GSR: variants seen among roughly 807,000 people sequenced by gnomAD.
GSR encodes the protein glutathione-disulfide reductase.
In GSR, 48 loss-of-function variants were observed where a neutral mutation model predicts 56.5. That is an observed-to-expected ratio of 0.85 (90% confidence interval 0.67 to 1.08). The LOEUF is 1.08. Among genes scored for constraint, GSR ranks in the 50% least tolerant of loss-of-function variants. The pLI, the probability that GSR is intolerant of heterozygous loss-of-function variation, is 0.00. For missense variants in GSR, 694 were observed against 703.3 expected (o/e 0.99, Z 0.15); for synonymous variants, 264 against 270.8 (o/e 0.97, Z 0.25).
chr8:30,685,839 T>C (rs1803142290), intron 9 of GSR, among the ~76,000 whole-genome samples: 1 of 151,906 alleles, frequency 6.6e-6, no homozygotes, highest in South Asian at 2.1e-4. Context: ...TCGCCAGGCA[T>C]GGTGGTGCAT....
At chr8:30,709,950 C>T in intron 2 of GSR, 48 bp from the exon 3 acceptor site, 1 of 1,012,912 alleles carries the variant, frequency 9.9e-7, no homozygotes, top group Non-Finnish European at 1.5e-6. Context: ...GTAAATCAGT[C>T]CTGAGGGAAA....
At chr8:30,690,714 AG>A (rs1348588848) in intron 8 of GSR, among the ~76,000 whole-genome samples, 1 of 152,212 alleles carries the variant, frequency 6.6e-6, no homozygotes, top group African/African-American at 2.4e-5. Flanking sequence ...TGATTGCTTG[AG>A]GAATAAAGCA....
At chr8:30,715,973 T>C (rs547862446) in intron 1 of GSR, among the ~76,000 whole-genome samples, 4 of 152,346 alleles carry the variant, frequency 2.6e-5, no homozygotes, top group African/African-American at 7.2e-5. Flanking sequence ...AAGGTGGGCT[T>C]TCACTGGTGC....
At chr8:30,726,487 A>AG (rs1804727598) in intron 1 of GSR, among the ~76,000 whole-genome samples, 1 of 152,120 alleles carries the variant, frequency 6.6e-6, no homozygotes, top group South Asian at 2.1e-4. Context: ...GAATGAGTGC[A>AG]GTGGCTCAGG....
chr8:30,682,401 G>A (rs1352698272), intron 10 of GSR, among the ~76,000 whole-genome samples: 1 of 152,142 alleles, frequency 6.6e-6, no homozygotes, highest in Non-Finnish European at 1.5e-5. Flanking sequence ...AGTCAAAAAC[G>A]CAGACAAAAG....
chr8:30,727,448 G>A, intron 1 of GSR, 82 bp downstream of exon 1: 13 of 1,281,898 alleles, frequency 1.0e-5, no homozygotes, highest in African/African-American at 1.5e-5. Context: ...GGACAGGATC[G>A]CCATAGGAAC....
In GSR at chr8:30,722,814, T is replaced by A. The variant is rs16877293; in HGVS notation, c.306+4716A>T. Among the ~76,000 whole-genome samples, 1,461 of 151,178 alleles carry A rather than the reference T, an allele frequency of 9.7e-3. 26 individuals carry two copies. The highest frequency in any genetic ancestry group is 0.034 in the African/African-American group (1,385 of 41,018). Reference sequence around the variant, plus strand: ...CATCATAATATCAAAGTACACAGTATCACTTCCAAATGAGGTTATGATTTA... The same window carrying A: ...CATCATAATATCAAAGTACACAGTAACACTTCCAAATGAGGTTATGATTTA... On this transcript the variant is annotated intron_variant, in intron 1 of 12. Transcript: ENST00000221130.
chr8:30,683,974 A>G, intron 10 of GSR, 114 bp downstream of exon 10: 1 of 772,048 alleles, frequency 1.3e-6, no homozygotes, highest in South Asian at 1.4e-5. Flanking sequence ...TTGACAATAT[A>G]AAGACACTCA....
intron 1 of GSR, 135 bp downstream of exon 1, chr8:30,727,395 T>TG (rs1443957573): frequency 1.2e-6 from 1 of 854,176 alleles, no homozygotes; most frequent in African/African-American, 1.8e-5. Context: ...GGCTTCGGAA[T>TG]GGGGAGTTGC....
intron 7 of GSR, among the ~76,000 whole-genome samples, chr8:30,693,827 CCA>C (rs1315086143): frequency 4.6e-5 from 7 of 152,166 alleles, no homozygotes; most frequent in Non-Finnish European, 1.0e-4. Context: ...CCATGCCCAC[CCA>C]CAGAGTAGCT....
intron 12 of GSR, 38 bp from the exon 13 acceptor site, chr8:30,679,707 T>A: frequency 1.5e-3 from 76 of 51,980 alleles, no homozygotes; most frequent in East Asian, 3.8e-3. Flanking sequence ...TTCTTTCTTC[T>A]TTTTTTTTTT....
intron 7 of GSR, among the ~76,000 whole-genome samples, chr8:30,695,597 C>T (rs973241459): frequency 6.6e-6 from 1 of 152,064 alleles, no homozygotes; most frequent in Non-Finnish European, 1.5e-5. Context: ...TATGTGTAGT[C>T]CAAGACAATT....
chr8:30,727,727 T>C lies in GSR; in HGVS notation c.109A>G (p.Thr37Ala). The stretch of plus-strand genomic sequence containing the variant: ...GCCATGGCACGGGAGAGGGCGCGCG[T>C]GAGGGCCGCGGGCTCGGGCAGAAGC... The part of the protein sequence containing the change: ...LLLLPEPAAL[T>A]RALSRAMACR... The change falls in exon 1 of 13, where the codon ACG becomes GCG. Residue 37 changes from threonine to alanine, a missense_variant. Transcript: ENST00000221130. 1 of 1,405,430 alleles carries C rather than the reference T, an allele frequency of 7.1e-7. No individual in the cohort carries two copies. The highest frequency in any genetic ancestry group is 9.2e-7 in the Non-Finnish European group (1 of 1,084,672). 87.1% of individuals were successfully genotyped at this position (1,405,430 alleles called of 1,614,324 possible).
At chr8:30,691,928 A>C (rs1047054334) in intron 8 of GSR, among the ~76,000 whole-genome samples, 1 of 151,670 alleles carries the variant, frequency 6.6e-6, no homozygotes, top group African/African-American at 2.4e-5. Context: ...GCTCAACCCT[A>C]TCTTTACAAA....
intron 12 of GSR, among the ~76,000 whole-genome samples, chr8:30,680,493 C>T (rs923423230): frequency 9.9e-5 from 14 of 141,786 alleles, no homozygotes; most frequent in African/African-American, 3.6e-4. Context: ...CTCCCAGGTT[C>T]AAGTGATTCT....
chr8:30,709,026 G>A (rs1463847756), intron 3 of GSR, among the ~76,000 whole-genome samples: 1 of 150,512 alleles, frequency 6.6e-6, no homozygotes, highest in African/African-American at 2.4e-5. Context: ...TAAACAAAAT[G>A]TGGTTTTATC....
intron 1 of GSR, among the ~76,000 whole-genome samples, chr8:30,725,687 G>T (rs1032906741): frequency 2.0e-5 from 3 of 152,018 alleles, no homozygotes; most frequent in Non-Finnish European, 4.4e-5. Flanking sequence ...TTTGAGACCA[G>T]CCTGGCCAAC....
rs1421095137 is a variant in GSR at position 30,679,415 on chromosome 8, A to G, written c.*105T>C. 2 of 1,131,492 alleles carry G rather than the reference A, an allele frequency of 1.8e-6. No individual in the cohort carries two copies. Among genetic ancestry groups the G allele is most frequent in the Non-Finnish European group, 2.6e-6 (2 of 764,144 alleles). 70.1% of individuals were successfully genotyped at this position (1,131,492 alleles called of 1,614,324 possible). A position where few individuals can be genotyped will look rare whatever the true frequency, so the allele number is the denominator to read the frequency against. On this transcript the variant is annotated 3_prime_UTR_variant, in exon 13 of 13. Transcript: ENST00000221130. ...TTTCCACTATCAGAAGATCCTGATT[A>G]AAATAAAGAAATACATAAAACTCAA...
At position 30,712,033 on chromosome 8, in the gene GSR, G is replaced by A. The variant is rs1484572158; in HGVS notation, c.333+29C>T. ...TGATTTACCAAATAGAAAAAGGATT[G>A]TAAAGGGAAAGAGAAATAAAAATTC... is the stretch of plus-strand genomic sequence containing the variant. On this transcript the variant is annotated intron_variant, in intron 2 of 12. Transcript: ENST00000221130. 3.4e-6 allele frequency: 4 copies of A among 1,177,298 alleles called. No individual in the cohort carries two copies. The Admixed American group carries it at 5.3e-5, about 16-fold the overall frequency. 72.9% of individuals were successfully genotyped at this position (1,177,298 alleles called of 1,614,324 possible).
Sources: allele counts gnomAD v4.1 joint callset (sites outside exome capture counted in the v4.1 genomes callset), GRCh38; gene constraint gnomAD v4.1.1; transcripts MANE v1.5; gene names NCBI Gene and HGNC (gene_info 2026-07-23, HGNC 2026-07-21).